DMXL2: variants seen among roughly 807,000 people sequenced by gnomAD.
DMXL2 encodes the protein dmX-like protein 2.
A neutral mutation model predicts 331.1 loss-of-function variants in DMXL2; 103 were observed. That is an observed-to-expected ratio of 0.31 (90% CI 0.27 to 0.37). The LOEUF (loss-of-function observed/expected upper bound fraction) is 0.37. Among genes scored for constraint, DMXL2 ranks in the 10% least tolerant of loss-of-function variants. The pLI is 1.00. For missense variants in DMXL2, 3,171 were observed against 3,642.9 expected (o/e 0.87, Z 3.33); for synonymous variants, 1,281 against 1,252.1 (o/e 1.02, Z -0.49).
chr15:51,505,341 C>T (rs1175184821), intron 16 of DMXL2, among the ~76,000 whole-genome samples: 2 of 152,252 alleles, frequency 1.3e-5, no homozygotes, highest in Non-Finnish European at 2.9e-5. Context: ...AGGCAAGCAA[C>T]TCAACTCTAG....
intron 2 of DMXL2, among the ~76,000 whole-genome samples, chr15:51,573,406 T>C (rs566133178): frequency 6.6e-6 from 1 of 152,208 alleles, no homozygotes; most frequent in Admixed American, 6.5e-5. Context: ...TGTATGTTTA[T>C]TGTAGCACTG....
chr15:51,533,509 A>C (rs1254243621), intron 13 of DMXL2, among the ~76,000 whole-genome samples: 1 of 152,194 alleles, frequency 6.6e-6, no homozygotes, highest in Non-Finnish European at 1.5e-5. Flanking sequence ...AACTAAAAAC[A>C]GGCAAAAATT....
chr15:51,619,958 T>C (rs2054527170), intron 1 of DMXL2, among the ~76,000 whole-genome samples: 1 of 152,224 alleles, frequency 6.6e-6, no homozygotes, highest in Non-Finnish European at 1.5e-5. Flanking sequence ...CTTTTAATCA[T>C]CTGATCCAGA....
intron 17 of DMXL2, among the ~76,000 whole-genome samples, chr15:51,501,957 G>A (rs1176180222): frequency 4.7e-5 from 7 of 148,762 alleles, no homozygotes; most frequent in African/African-American, 1.7e-4. Flanking sequence ...TTGGCCGGGC[G>A]TGGTGGCTCA....
chr15:51,514,284 C>G (rs1394767889), intron 15 of DMXL2, among the ~76,000 whole-genome samples, 158 bp downstream of exon 15: 1 of 152,104 alleles, frequency 6.6e-6, no homozygotes, highest in Non-Finnish European at 1.5e-5. Flanking sequence ...TCACCCACAG[C>G]CCTCTTCATC....
rs916363219 is a variant in DMXL2 at position 51,534,903 on chromosome 15, C to G, written c.2436+760G>C. Among the ~76,000 whole-genome samples, 5 of 152,140 alleles carry G rather than the reference C, an allele frequency of 3.3e-5. No individual in the cohort carries two copies. The East Asian group carries it at 9.6e-4, about 29-fold the overall frequency. On this transcript the variant is annotated intron_variant, in intron 13 of 43. Coordinates refer to ENST00000560891, the MANE Select transcript of DMXL2 (RefSeq NM_001378457.1). ...CTCTCCTCTGAATAATGAAACACTT[C>G]TAGGGCCATCCTTTTGGCAATTAAT...
chr15:51,599,328 A>G lies in DMXL2; in HGVS notation c.87+23131T>C, dbSNP rs368541222. Among the ~76,000 whole-genome samples the G allele has an allele frequency of 1.5e-4, 23 of 152,346 alleles. No homozygotes were observed. The South Asian group carries it at 4.6e-3, about 30-fold the overall frequency. On this transcript the variant is annotated intron_variant, in intron 1 of 43. Coordinates refer to ENST00000560891, the MANE Select transcript of DMXL2 (RefSeq NM_001378457.1). ...ATTTAGAAACCAAGATCTAGATGCC[A>G]GTTGTGTTCACTGCTACAGGGGTAT...
chr15:51,535,949 T>G lies in DMXL2; in HGVS notation c.2315-165A>C, dbSNP rs971804790. 3.9e-5 allele frequency among the ~76,000 whole-genome samples: 6 copies of G among 152,140 alleles called. No homozygotes were observed. The South Asian group carries it at 8.3e-4, about 21-fold the overall frequency. ...AGATACAAAATTATTAACAAAAAGT[T>G]TAATTAAAAAATGGATTATGAGAGA... On this transcript the variant is annotated intron_variant, in intron 12 of 43. Coordinates refer to ENST00000560891, the MANE Select transcript of DMXL2 (RefSeq NM_001378457.1).
chr15:51,540,753 T>C (rs2048549497), intron 9 of DMXL2, among the ~76,000 whole-genome samples: 1 of 152,206 alleles, frequency 6.6e-6, no homozygotes, highest in Admixed American at 6.5e-5. Flanking sequence ...AAATGCATGA[T>C]GTTAAACATT....
At position 51,472,718 on chromosome 15, in the gene DMXL2, G is replaced by A. The variant is rs113922492; in HGVS notation, c.7214-1317C>T. On this transcript the variant is annotated intron_variant, in intron 28 of 43. Transcript: ENST00000560891. ...TTAGTACTTCATTCCTTTTATAGCT[G>A]AGTAACACTCCATTGCACGAATATA... Among the ~76,000 whole-genome samples, 179 of 152,270 alleles carry A rather than the reference G, an allele frequency of 1.2e-3. 1 individual carries two copies. The highest frequency in any genetic ancestry group is 3.9e-3 in the African/African-American group (162 of 41,560).
At chr15:51,533,701 A>G (rs74013283) in intron 13 of DMXL2, among the ~76,000 whole-genome samples, 63 of 152,340 alleles carry the variant, frequency 4.1e-4, no homozygotes, top group African/African-American at 1.5e-3. Flanking sequence ...AGATAGAAAG[A>G]CTGTATTTTA....
At chr15:51,568,705 A>T (rs2050456174) in intron 2 of DMXL2, 147 bp from the exon 3 acceptor site, 3 of 607,958 alleles carry the variant, frequency 4.9e-6, no homozygotes, top group Non-Finnish European at 8.3e-6. Flanking sequence ...CTGGAAGTGT[A>T]CTGGAGTTAA....
intron 18 of DMXL2, among the ~76,000 whole-genome samples, chr15:51,497,875 T>C (rs1375682232): frequency 6.6e-6 from 1 of 152,144 alleles, no homozygotes; most frequent in Non-Finnish European, 1.5e-5. Flanking sequence ...GATTCCATAG[T>C]AACATTAACA....
rs79980452 is a variant in DMXL2, at chr15:51,474,534, C to T, written c.7023G>A (p.Leu2341=). The change falls in exon 28 of 44, where the codon CTG becomes CTA. Residue 2341 remains leucine (L), a synonymous_variant. Coordinates refer to ENST00000560891, the MANE Select transcript of DMXL2 (RefSeq NM_001378457.1). ...SSAQDEDQPK[L]NILLCEAVVA... ...CAACAGCTTCACATAGCAAAATGTT[C>T]AGTTTTGGCTGGTCTTCATCTTGGG... 3.1e-4 allele frequency: 508 copies of T among 1,614,038 alleles called. 3 individuals carry two copies. In the African/African-American group the frequency reaches 5.9e-3, roughly 19 times the overall value.
chr15:51,541,770 A>T (rs1284561615), intron 9 of DMXL2, among the ~76,000 whole-genome samples: 3 of 152,174 alleles, frequency 2.0e-5, no homozygotes, highest in African/African-American at 7.2e-5. Context: ...TATTGCCTTT[A>T]AATAGAAGCT....
intron 20 of DMXL2, 87 bp downstream of exon 20, chr15:51,491,491 A>T: frequency 7.5e-7 from 1 of 1,341,174 alleles, no homozygotes; most frequent in Non-Finnish European, 1.0e-6. Context: ...CAAATTTCCC[A>T]CTACAGGTTT....
chr15:51,581,469 A>C (rs149353725), intron 1 of DMXL2, among the ~76,000 whole-genome samples: 32 of 152,308 alleles, frequency 2.1e-4, no homozygotes, highest in African/African-American at 7.7e-4. Context: ...GTCTAAATTT[A>C]AGAGACAAAA....
intron 17 of DMXL2, 102 bp from the exon 18 acceptor site, chr15:51,500,333 T>C: frequency 5.0e-6 from 6 of 1,201,834 alleles, no homozygotes; most frequent in Non-Finnish European, 6.8e-6. Context: ...AAAGTCACTA[T>C]GAGCTTCTTC....
chr15:51,475,866 A>C (rs1032628751), intron 27 of DMXL2, among the ~76,000 whole-genome samples: 15 of 152,216 alleles, frequency 9.9e-5, no homozygotes, highest in South Asian at 2.1e-4. Context: ...TTTTCAAAAA[A>C]AATACACTTA....
Sources: gnomAD v4.1 joint callset for allele counts (sites outside exome capture counted in the v4.1 genomes callset) on GRCh38, gnomAD v4.1.1 for gene constraint, MANE v1.5 for transcripts, NCBI Gene and HGNC (gene_info 2026-07-23, HGNC 2026-07-21) for gene names.